TMEM232: variants seen among roughly 807,000 people sequenced by gnomAD.
TMEM232 encodes the protein transmembrane protein 232.
A neutral mutation model predicts 78.8 loss-of-function variants in TMEM232; 80 were observed. The observed-to-expected ratio is 1.01, with a 90% CI of 0.85 to 1.22. The LOEUF (loss-of-function observed/expected upper bound fraction) is 1.22, where lower values mean the gene tolerates loss of function less well. Among genes scored for constraint, TMEM232 ranks in the 50% most tolerant of loss-of-function variants. The pLI, the probability that TMEM232 is intolerant of heterozygous loss-of-function variation, is 0.00. For synonymous variants in TMEM232, 297 were observed against 254.3 expected (o/e 1.17, Z -1.60); for missense variants, 881 against 742.2 (o/e 1.19, Z -2.17).
At chr5:110,610,240 A>AAGGGAGGAAGGAAGGAAGGG (rs143271786) in intron 8 of TMEM232, among the ~76,000 whole-genome samples, 1 of 70,174 alleles carries the variant, frequency 1.4e-5, no homozygotes, top group East Asian at 5.4e-4. Context: ...AAAAGAAAGG[A>AAGGGAGGAAGGAAGGAAGGG]AGGAAGGGAG....
chr5:110,647,776 A>C (rs1787711561), intron 2 of TMEM232, among the ~76,000 whole-genome samples: 1 of 151,962 alleles, frequency 6.6e-6, no homozygotes, highest in Non-Finnish European at 1.5e-5. Flanking sequence ...TGTGCTAACC[A>C]ATGCAGTAAT....
chr5:110,666,302 T>A (rs1004158046), intron 2 of TMEM232, among the ~76,000 whole-genome samples: 2 of 152,212 alleles, frequency 1.3e-5, no homozygotes, highest in Non-Finnish European at 2.9e-5. Context: ...ATCAATTTAA[T>A]CACTGTATAC....
At chr5:110,693,742 G>A (rs1030905219) in intron 1 of TMEM232, among the ~76,000 whole-genome samples, 1 of 152,080 alleles carries the variant, frequency 6.6e-6, no homozygotes, top group African/African-American at 2.4e-5. Context: ...AGCAAGAAGG[G>A]AAGTTTAGAG....
chr5:110,554,471 T>C (rs76716003), intron 11 of TMEM232, among the ~76,000 whole-genome samples: 191 of 152,254 alleles, frequency 1.3e-3, no homozygotes, highest in Non-Finnish European at 2.3e-3. Flanking sequence ...TATATATGTA[T>C]TCCATTAGGT....
intron 12 of TMEM232, among the ~76,000 whole-genome samples, chr5:110,476,675 C>T (rs1046811573): frequency 6.6e-6 from 1 of 151,982 alleles, no homozygotes; most frequent in Non-Finnish European, 1.5e-5. Flanking sequence ...TATGAATAAT[C>T]ATGGTAATGA....
chr5:110,732,887 C>T (rs1476092090), intron 2 of TMEM232, among the ~76,000 whole-genome samples: 1 of 152,084 alleles, frequency 6.6e-6, no homozygotes, highest in Non-Finnish European at 1.5e-5. Flanking sequence ...AAACAGACAA[C>T]ATACAGAATG....
intron 11 of TMEM232, among the ~76,000 whole-genome samples, chr5:110,546,142 C>T (rs1203593688): frequency 6.6e-6 from 1 of 151,840 alleles, no homozygotes; most frequent in African/African-American, 2.4e-5. Flanking sequence ...CTCCAACCTC[C>T]AAGAGGCATC....
intron 12 of TMEM232, among the ~76,000 whole-genome samples, chr5:110,498,101 T>A (rs1169161590): frequency 6.6e-6 from 1 of 152,144 alleles, no homozygotes; most frequent in Non-Finnish European, 1.5e-5. Flanking sequence ...CAAATAAGCA[T>A]GGGAAATCAT....
At chr5:110,570,598 A>G (rs1415889347) in intron 10 of TMEM232, among the ~76,000 whole-genome samples, 1 of 152,010 alleles carries the variant, frequency 6.6e-6, no homozygotes, top group Non-Finnish European at 1.5e-5. Context: ...AAATTTGGGA[A>G]AAGTGCAGAC....
chr5:110,688,028 G>A (rs978920839), intron 1 of TMEM232, among the ~76,000 whole-genome samples: 12 of 151,892 alleles, frequency 7.9e-5, no homozygotes, highest in Non-Finnish European at 1.6e-4. Flanking sequence ...TAAGTATGAA[G>A]GCTTTGCATA....
At chr5:110,403,085 T>C (rs1339747013) in intron 2 of TMEM232, among the ~76,000 whole-genome samples, 4 of 152,056 alleles carry the variant, frequency 2.6e-5, no homozygotes, top group Non-Finnish European at 4.4e-5. Context: ...TCTCTACAGA[T>C]TGCCTTTCAT....
At position 110,618,577 on chromosome 5, in the gene TMEM232, A is replaced by T; in HGVS notation, c.769-15T>A. On this transcript the variant is annotated splice_polypyrimidine_tract_variant and intron_variant, in intron 7 of 13. Coordinates refer to ENST00000455884, the MANE Select transcript of TMEM232 (RefSeq NM_001039763.4). ...TCATATCCTCCCTGATTAAATTGCA[A>T]ATGTTTCAGGAATTAAAATATAAAA... The T allele has an allele frequency of 6.5e-7, 1 of 1,534,406 alleles. No individual in the cohort carries two copies. The highest frequency in any genetic ancestry group is 2.2e-5 in the Admixed American group (1 of 45,570).
At chr5:110,389,991 T>C (rs1277047644) in intron 4 of TMEM232, among the ~76,000 whole-genome samples, 1 of 152,218 alleles carries the variant, frequency 6.6e-6, no homozygotes, top group African/African-American at 2.4e-5. Flanking sequence ...TATGTGTGTC[T>C]GTCAGAGAAC....
intron 3 of TMEM232, among the ~76,000 whole-genome samples, chr5:110,391,369 A>G (rs112786288): frequency 1.9e-3 from 282 of 150,524 alleles, no homozygotes; most frequent in African/African-American, 6.5e-3. Context: ...GGACATATCC[A>G]TATCCTGCAT....
chr5:110,656,355 C>G (rs994886597), intron 2 of TMEM232, among the ~76,000 whole-genome samples: 1 of 152,170 alleles, frequency 6.6e-6, no homozygotes, highest in Non-Finnish European at 1.5e-5. Context: ...AAAGGCCTAG[C>G]TATAGCTTCT....
intron 11 of TMEM232, among the ~76,000 whole-genome samples, chr5:110,557,183 T>G (rs1048427074): frequency 1.3e-5 from 2 of 152,200 alleles, no homozygotes; most frequent in Non-Finnish European, 2.9e-5. Flanking sequence ...TTTCTGATTA[T>G]GTTATGAAAT....
intron 12 of TMEM232, among the ~76,000 whole-genome samples, chr5:110,467,922 T>A (rs185523311): frequency 0.029 from 4,383 of 152,222 alleles, 71 homozygotes; most frequent in African/African-American, 0.047. Flanking sequence ...CTCTTTGGCT[T>A]TGGGTGCATC....
Position 110,534,036 on chromosome 5 carries a change from C to T in TMEM232, c.1456-5201G>A, listed in dbSNP as rs1000725186. Among the ~76,000 whole-genome samples the T allele has an allele frequency of 4.6e-5, 7 of 152,276 alleles. No individual in the cohort carries two copies. In the South Asian group the frequency reaches 1.4e-3, roughly 32 times the overall value. ...CTACACATCAAGCTCCAGGATTTGCCCCCGCCCAGGACTGGCAAATTAGCT... is the reference window on the plus strand; with the variant it reads ...CTACACATCAAGCTCCAGGATTTGCTCCCGCCCAGGACTGGCAAATTAGCT... On this transcript the variant is annotated intron_variant, in intron 11 of 13. Transcript: ENST00000455884.
intron 11 of TMEM232, among the ~76,000 whole-genome samples, chr5:110,550,786 T>A (rs1326385590): frequency 6.6e-6 from 1 of 150,948 alleles, no homozygotes; most frequent in African/African-American, 2.4e-5. Flanking sequence ...CTAGATTCAA[T>A]GAAACCCCAA....
Sources: gnomAD v4.1 joint callset for allele counts (sites outside exome capture counted in the v4.1 genomes callset) on GRCh38, gnomAD v4.1.1 for gene constraint, MANE v1.5 for transcripts, NCBI Gene and HGNC (gene_info 2026-07-23, HGNC 2026-07-21) for gene names.